The following CPQ variants were observed in gnomAD, a reference collection of about 807,000 sequenced individuals.
The protein encoded by CPQ is Ser-Met dipeptidase.
A neutral mutation model predicts 45.7 loss-of-function variants in CPQ; 37 were observed. The ratio of observed to expected loss-of-function variants is 0.81; its 90% CI spans 0.62 to 1.07. CPQ has a LOEUF of 1.07. Ranked by LOEUF, CPQ falls within the 50% of genes least tolerant of loss-of-function variation. The pLI, the probability that CPQ is intolerant of heterozygous loss-of-function variation, is 0.00. For missense variants in CPQ, 537 were observed against 572.9 expected, an observed-to-expected ratio of 0.94 and a Z score of 0.64; for synonymous variants, 186 against 205.8, an observed-to-expected ratio of 0.90 and a Z score of 0.82.
At chr8:96,695,943 A>G (rs1394451803) in intron 1 of CPQ, among the ~76,000 whole-genome samples, 5 of 149,342 alleles carry the variant, frequency 3.3e-5, no homozygotes, top group African/African-American at 1.3e-4. Flanking sequence ...ATTACTGGGT[A>G]TATACCCAAA....
chr8:96,743,332 C>G (rs1201005985), intron 1 of CPQ, among the ~76,000 whole-genome samples: 1 of 151,060 alleles, frequency 6.6e-6, no homozygotes, highest in Admixed American at 6.6e-5. Flanking sequence ...TCCATCAGCT[C>G]CTTTAAGCAC....
intron 1 of CPQ, among the ~76,000 whole-genome samples, chr8:96,717,066 T>A (rs1427055226): frequency 1.1e-5 from 1 of 89,370 alleles, no homozygotes; most frequent in African/African-American, 4.9e-5. Flanking sequence ...TATATATATA[T>A]ATATATATAT....
At chr8:96,991,142 A>G (rs1809085996) in intron 5 of CPQ, among the ~76,000 whole-genome samples, 1 of 152,192 alleles carries the variant, frequency 6.6e-6, no homozygotes, top group Non-Finnish European at 1.5e-5. Flanking sequence ...CTAGACTAGA[A>G]GTATAAAGAC....
At chr8:97,057,295 G>A (rs1006430418) in intron 6 of CPQ, among the ~76,000 whole-genome samples, 13 of 152,106 alleles carry the variant, frequency 8.5e-5, no homozygotes, top group African/African-American at 2.9e-4. Context: ...CTTTAATTGA[G>A]GATCAATATG....
At chr8:96,934,389 G>C (rs1469715824) in intron 4 of CPQ, among the ~76,000 whole-genome samples, 1 of 152,140 alleles carries the variant, frequency 6.6e-6, no homozygotes, top group Admixed American at 6.5e-5. Context: ...AAGTGAAGAG[G>C]GCATTCCAGG....
intron 1 of CPQ, among the ~76,000 whole-genome samples, chr8:96,780,336 G>C (rs1418447247): frequency 6.6e-6 from 1 of 152,052 alleles, no homozygotes; most frequent in Non-Finnish European, 1.5e-5. Flanking sequence ...GCATTTGCCA[G>C]ATGAAGGGGA....
At chr8:96,652,782 G>A (rs1407182350) in intron 1 of CPQ, among the ~76,000 whole-genome samples, 1 of 151,988 alleles carries the variant, frequency 6.6e-6, no homozygotes, top group African/African-American at 2.4e-5. Context: ...ACCGGCGCCC[G>A]CCACCATGCC....
chr8:97,006,582 C>T (rs957447025), intron 5 of CPQ, among the ~76,000 whole-genome samples: 3 of 152,212 alleles, frequency 2.0e-5, no homozygotes, highest in Non-Finnish European at 2.9e-5. Context: ...ATCAGCCAAA[C>T]GTAGCTGATT....
chr8:96,797,570 G>A (rs1353472361), intron 2 of CPQ, among the ~76,000 whole-genome samples: 4 of 152,166 alleles, frequency 2.6e-5, no homozygotes, highest in Non-Finnish European at 5.9e-5. Flanking sequence ...AGGGCATTCT[G>A]ATGGATTGAA....
intron 1 of CPQ, among the ~76,000 whole-genome samples, chr8:96,703,034 T>A (rs1043865446): frequency 1.3e-5 from 2 of 152,154 alleles, no homozygotes; most frequent in East Asian, 3.9e-4. Context: ...AATCAATAGA[T>A]AGATATTAAA....
chr8:96,712,223 C>T (rs1809616385), intron 1 of CPQ, among the ~76,000 whole-genome samples: 1 of 152,144 alleles, frequency 6.6e-6, no homozygotes, highest in Non-Finnish European at 1.5e-5. Context: ...GGGTACAGCC[C>T]CTCTCCCAGC....
intron 5 of CPQ, among the ~76,000 whole-genome samples, chr8:97,024,089 A>G (rs1257611995): frequency 7.9e-5 from 12 of 152,190 alleles, no homozygotes. Context: ...CTAGTCTGAA[A>G]TTAGTCCTTC....
chr8:97,034,394 T>G (rs1809961236), intron 6 of CPQ, among the ~76,000 whole-genome samples: 1 of 152,170 alleles, frequency 6.6e-6, no homozygotes, highest in Non-Finnish European at 1.5e-5. Context: ...TTTCAATAAG[T>G]TGTTAAATTT....
intron 7 of CPQ, among the ~76,000 whole-genome samples, chr8:97,088,983 C>A (rs961009490): frequency 6.6e-6 from 1 of 152,146 alleles, no homozygotes; most frequent in Non-Finnish European, 1.5e-5. Context: ...GTGGCTCATA[C>A]CTGTAATCCC....
intron 7 of CPQ, among the ~76,000 whole-genome samples, chr8:97,134,429 C>T (rs973346233): frequency 7.9e-5 from 12 of 152,120 alleles, no homozygotes; most frequent in Admixed American, 7.9e-4. Context: ...TCAGGGAGTC[C>T]CAGGAGGACT....
chr8:97,023,024 ATATACAG>A, intron 5 of CPQ, among the ~76,000 whole-genome samples: 1 of 146,874 alleles, frequency 6.8e-6, no homozygotes, highest in South Asian at 2.1e-4. Flanking sequence ...TATAGTATAT[ATATACAG>A]TATATATACA....
chr8:97,037,584 T>G (rs1810025408), intron 6 of CPQ, among the ~76,000 whole-genome samples: 1 of 152,214 alleles, frequency 6.6e-6, no homozygotes, highest in African/African-American at 2.4e-5. Context: ...TGGTTTAAAT[T>G]TCATTTGTCT....
intron 1 of CPQ, among the ~76,000 whole-genome samples, chr8:96,757,240 A>G (rs918704654): frequency 1.7e-4 from 26 of 151,904 alleles, no homozygotes; most frequent in African/African-American, 6.0e-4. Flanking sequence ...AATCCAAGCT[A>G]CTTGGGAGGC....
Position 97,071,450 on chromosome 8 carries a change from C to T in CPQ, c.1255+5240C>T, listed in dbSNP as rs181605987. Among the ~76,000 whole-genome samples the T allele has an allele frequency of 1.4e-4, 21 of 152,274 alleles. 1 individual carries two copies. In the East Asian group the frequency reaches 3.9e-3, roughly 28 times the overall value. The stretch of plus-strand genomic sequence containing the variant: ...TCTCCTCCTCCTCTGTCCCCTATCT[C>T]ATTAGCAGGCACTATAATTCAGAAA... On this transcript the variant is annotated intron_variant, in intron 7 of 7. Transcript: ENST00000220763.
Sources: allele counts gnomAD v4.1 joint callset (sites outside exome capture counted in the v4.1 genomes callset), GRCh38; gene constraint gnomAD v4.1.1; transcripts MANE v1.5; gene names NCBI Gene and HGNC (gene_info 2026-07-23, HGNC 2026-07-21).